NOS1AP: variants seen among roughly 807,000 people sequenced by gnomAD.
The protein encoded by NOS1AP is nitric oxide synthase 1 adaptor protein.
NOS1AP carries 21 observed loss-of-function variants against 56.2 expected under a neutral mutation model. The ratio of observed to expected loss-of-function variants is 0.37; its 90% CI spans 0.26 to 0.54. The LOEUF (loss-of-function observed/expected upper bound fraction) is 0.54. NOS1AP is among the 20% of genes least tolerant of loss of function. The pLI is 0.84. For synonymous variants in NOS1AP, 270 were observed against 274.6 expected, an observed-to-expected ratio of 0.98 and a Z score of 0.17; for missense variants, 522 against 657.8, an observed-to-expected ratio of 0.79 and a Z score of 2.26.
At chr1:162,176,132 C>T (rs891370635) in intron 2 of NOS1AP, among the ~76,000 whole-genome samples, 4 of 152,304 alleles carry the variant, frequency 2.6e-5, no homozygotes, top group African/African-American at 9.6e-5. Context: ...TCACATTTTA[C>T]ATTCCATCCT....
At chr1:162,226,726 T>G (rs955088476) in intron 2 of NOS1AP, among the ~76,000 whole-genome samples, 2 of 152,194 alleles carry the variant, frequency 1.3e-5, no homozygotes, top group Admixed American at 1.3e-4. Flanking sequence ...TCACTTTCCC[T>G]CCTTAGGCTG....
At chr1:162,228,955 T>C (rs572080886) in intron 2 of NOS1AP, among the ~76,000 whole-genome samples, 8 of 152,314 alleles carry the variant, frequency 5.3e-5, no homozygotes, top group Non-Finnish European at 1.2e-4. Flanking sequence ...AATTAATACA[T>C]TGAAATAAAT....
At chr1:162,126,422 G>A (rs1230534242) in intron 1 of NOS1AP, among the ~76,000 whole-genome samples, 2 of 152,076 alleles carry the variant, frequency 1.3e-5, no homozygotes, top group Admixed American at 6.5e-5. Context: ...TCACAGAAAT[G>A]ATGCCATATC....
At chr1:162,338,974 G>A (rs1657022221) in intron 5 of NOS1AP, among the ~76,000 whole-genome samples, 1 of 152,188 alleles carries the variant, frequency 6.6e-6, no homozygotes, top group Non-Finnish European at 1.5e-5. Context: ...ATTGCATTTG[G>A]ACTTAACTTT....
At chr1:162,127,729 T>G (rs1234137982) in intron 1 of NOS1AP, among the ~76,000 whole-genome samples, 1 of 152,120 alleles carries the variant, frequency 6.6e-6, no homozygotes, top group Non-Finnish European at 1.5e-5. Flanking sequence ...TGACCAGATC[T>G]CATGAGAACT....
At chr1:162,351,301 T>C (rs978854880) in intron 6 of NOS1AP, among the ~76,000 whole-genome samples, 1 of 152,270 alleles carries the variant, frequency 6.6e-6, no homozygotes, top group Non-Finnish European at 1.5e-5. Context: ...ACTTTGAGAC[T>C]GAGCTTGTAA....
chr1:162,193,172 T>C (rs533500110), intron 2 of NOS1AP, among the ~76,000 whole-genome samples: 48 of 152,286 alleles, frequency 3.2e-4, no homozygotes, highest in Non-Finnish European at 2.9e-4. Context: ...TAAGGAGTGA[T>C]GCTGTGAAGT....
chr1:162,168,860 G>C (rs1243481995), intron 2 of NOS1AP, among the ~76,000 whole-genome samples: 1 of 152,226 alleles, frequency 6.6e-6, no homozygotes, highest in Non-Finnish European at 1.5e-5. Context: ...AGAGGCCTAA[G>C]GGGCTGAGGT....
At chr1:162,330,898 G>A (rs927372388) in intron 4 of NOS1AP, among the ~76,000 whole-genome samples, 38 of 152,190 alleles carry the variant, frequency 2.5e-4, no homozygotes, top group African/African-American at 9.2e-4. Flanking sequence ...CTGAGTGATG[G>A]CTATTGGGGA....
intron 2 of NOS1AP, among the ~76,000 whole-genome samples, chr1:162,242,961 G>A (rs367713186): frequency 1.6e-4 from 24 of 150,402 alleles, no homozygotes; most frequent in Middle Eastern, 6.9e-3. Flanking sequence ...TGTTGCTTTC[G>A]GTTTGAGCTC....
intron 4 of NOS1AP, among the ~76,000 whole-genome samples, chr1:162,320,842 G>A (rs1656391811): frequency 6.6e-6 from 1 of 151,912 alleles, no homozygotes; most frequent in African/African-American, 2.4e-5. Flanking sequence ...GACAGAGTGA[G>A]ACACCATCTC....
At chr1:162,227,241 T>A (rs1206990927) in intron 2 of NOS1AP, among the ~76,000 whole-genome samples, 2 of 152,226 alleles carry the variant, frequency 1.3e-5, no homozygotes, top group African/African-American at 4.8e-5. Context: ...AACATAAATT[T>A]TTCACACATA....
intron 5 of NOS1AP, among the ~76,000 whole-genome samples, chr1:162,340,721 C>T (rs999668797): frequency 4.6e-5 from 7 of 152,138 alleles, no homozygotes; most frequent in African/African-American, 7.2e-5. Context: ...ATGGGGAAGG[C>T]AGAACCAGTA....
chr1:162,299,848 A>G (rs932605850), intron 3 of NOS1AP, among the ~76,000 whole-genome samples: 7 of 152,140 alleles, frequency 4.6e-5, no homozygotes, highest in Non-Finnish European at 8.8e-5. Flanking sequence ...ATGTCACTGT[A>G]AGAGCCTGGA....
Position 162,334,130 on chromosome 1 carries a change from G to T in NOS1AP, c.453+1005G>T, listed in dbSNP as rs561965148. ...GTCAAGTACCTTGTCAATAACACAT[G>T]CCAGGGTCCAGATTTACTGATGGGT... is the stretch of plus-strand genomic sequence containing the variant. On this transcript the variant is annotated intron_variant, in intron 5 of 9. Coordinates refer to ENST00000361897, the MANE Select transcript of NOS1AP (RefSeq NM_014697.3). 4.4e-4 allele frequency among the ~76,000 whole-genome samples: 67 copies of T among 152,274 alleles called. 2 individuals carry two copies. In the South Asian group the frequency reaches 0.013, roughly 31 times the overall value.
intron 1 of NOS1AP, among the ~76,000 whole-genome samples, chr1:162,085,222 G>A (rs1572497): frequency 0.02 from 3,055 of 152,088 alleles, 114 homozygotes; most frequent in African/African-American, 0.069. Flanking sequence ...TCCCCAGCTT[G>A]TCTGTCTTCT....
At chr1:162,258,828 A>C (rs1246794711) in intron 2 of NOS1AP, among the ~76,000 whole-genome samples, 3 of 152,196 alleles carry the variant, frequency 2.0e-5, no homozygotes, top group Non-Finnish European at 2.9e-5. Context: ...ATCATTAAAT[A>C]TTGAGATTTA....
chr1:162,290,783 G>A (rs971678884), intron 3 of NOS1AP, among the ~76,000 whole-genome samples: 30 of 152,204 alleles, frequency 2.0e-4, no homozygotes, highest in Admixed American at 5.2e-4. Context: ...AAGCTGGGAG[G>A]GACCCTCACC....
At chr1:162,241,115 G>A in intron 2 of NOS1AP, among the ~76,000 whole-genome samples, 1 of 152,180 alleles carries the variant, frequency 6.6e-6, no homozygotes, top group East Asian at 1.9e-4. Flanking sequence ...GATTGGAAAG[G>A]CACCTACTCT....
Sources: allele counts gnomAD v4.1 joint callset (sites outside exome capture counted in the v4.1 genomes callset), GRCh38; gene constraint gnomAD v4.1.1; transcripts MANE v1.5; gene names NCBI Gene and HGNC (gene_info 2026-07-23, HGNC 2026-07-21).